Variants in PRR14L observed in about 807,000 individuals in gnomAD.
PRR14L encodes protein PRR14L.
PRR14L carries 80 observed loss-of-function variants against 155.0 expected under a neutral mutation model. The observed-to-expected ratio is 0.52, with a 90% CI of 0.43 to 0.62. PRR14L has a LOEUF of 0.62. Among genes scored for constraint, PRR14L ranks in the 20% least tolerant of loss-of-function variants. The pLI is 0.00. For missense variants in PRR14L, 2,469 were observed against 2,548.0 expected (o/e 0.97, Z 0.67); for synonymous variants, 883 against 916.0 (o/e 0.96, Z 0.65).
chr22:31,713,434 C>T lies in PRR14L; in HGVS notation c.4405G>A (p.Glu1469Lys), dbSNP rs866945278. The change falls in exon 4 of 9, where the codon GAG becomes AAG. Residue 1469 changes from glutamate to lysine, a missense_variant. This residue lies in a region of PRR14L where 2,363 missense variants were observed against 2,371.6 expected (regional missense o/e 1.00). Transcript: ENST00000327423. Reference protein sequence around the residue: ...AQTQKLEDQKEERLHHPLRKD... With the variant: ...AQTQKLEDQKKERLHHPLRKD... The stretch of plus-strand genomic sequence containing the variant: ...CTTAATGGATGATGTAACCTTTCCT[C>T]CTTCTGGTCTTCTAACTTCTGAGTC... The T allele has an allele frequency of 6.4e-7, 1 of 1,551,866 alleles. No homozygotes were observed. Among genetic ancestry groups the T allele is most frequent in the Non-Finnish European group, 8.7e-7 (1 of 1,147,062 alleles).
At chr22:31,694,782 AAAAG>A (rs1569497325) in intron 7 of PRR14L, among the ~76,000 whole-genome samples, 1 of 149,260 alleles carries the variant, frequency 6.7e-6, no homozygotes, top group East Asian at 2.0e-4. Flanking sequence ...CAGAAAAAAA[AAAAG>A]AAAAAGAATA....
In PRR14L at chr22:31,715,176, T is replaced by C; in HGVS notation, c.2663A>G (p.Lys888Arg). 1 of 1,552,078 alleles carries C rather than the reference T, an allele frequency of 6.4e-7. No homozygotes were observed. The highest frequency in any genetic ancestry group is 8.7e-7 in the Non-Finnish European group (1 of 1,147,036). ...GATGCTACTGGAGGTGTGAATGGTT[T>C]TGTTTGAAATTCCACTATTTAACAA... ...AGLLNSGISNKTIHTSSSIKL... is the reference protein window; with the variant it reads ...AGLLNSGISNRTIHTSSSIKL... Residue 888 changes from lysine to arginine, a missense_variant, in exon 4 of 9, where the codon AAA becomes AGA. Lys to Arg is a conservative substitution (Grantham distance 26). Around this residue, in one of 2 missense-constraint regions of PRR14L, gnomAD observed 2,363 missense variants for 2,371.6 expected, o/e 1.00. Coordinates refer to ENST00000327423, the MANE Select transcript of PRR14L (RefSeq NM_173566.3).
At position 31,707,248 on chromosome 22, in the gene PRR14L, A is replaced by C. The variant is rs2074596980; in HGVS notation, c.5757-2522T>G. ...GAAACAGAAAATTTTCAACACCAGG[A>C]AACAGAAACATGAGGTGGGAAAGAA... is the stretch of plus-strand genomic sequence containing the variant. On this transcript the variant is annotated intron_variant, in intron 4 of 8. Coordinates refer to ENST00000327423, the MANE Select transcript of PRR14L (RefSeq NM_173566.3). 5.3e-5 allele frequency among the ~76,000 whole-genome samples: 8 copies of C among 152,172 alleles called. No homozygotes were observed. The South Asian group carries it at 1.7e-3, about 31-fold the overall frequency.
Position 31,714,476 on chromosome 22 carries a change from AG to A in PRR14L, c.3362del (p.Ser1121LeufsTer8). On this transcript the variant is annotated frameshift_variant, in exon 4 of 9. Coordinates refer to ENST00000327423, the MANE Select transcript of PRR14L (RefSeq NM_173566.3). LOFTEE classifies it high-confidence loss of function. ...TTTTTATTTTGAGAAAGTCCACTGT[AG>A]AAGCAGCAGTAACTGGGAAATCTGA... ...QDSDFPVTAA[S>X]TVDFLKIKKS... 6.4e-7 allele frequency: 1 copy of A among 1,552,112 alleles called. No individual in the cohort carries two copies. The highest frequency in any genetic ancestry group is 8.7e-7 in the Non-Finnish European group (1 of 1,147,084).
chr22:31,695,717 G>T (rs1415575849), intron 7 of PRR14L, among the ~76,000 whole-genome samples: 1 of 152,014 alleles, frequency 6.6e-6, no homozygotes, highest in African/African-American at 2.4e-5. Context: ...TTTCCTGCTT[G>T]CCCAGCTCTG....
At chr22:31,730,458 AAAG>A (rs988516690) in intron 2 of PRR14L, among the ~76,000 whole-genome samples, 1 of 152,166 alleles carries the variant, frequency 6.6e-6, no homozygotes, top group African/African-American at 2.4e-5. Context: ...AAGAAAAAAA[AAAG>A]AATACCACAG....
At chr22:31,701,828 G>T in intron 6 of PRR14L, 66 bp from the exon 7 acceptor site, 1 of 1,308,572 alleles carries the variant, frequency 7.6e-7, no homozygotes, top group Non-Finnish European at 1.1e-6. Context: ...TATTTTTTGA[G>T]ACAAGGTCTC....
intron 2 of PRR14L, among the ~76,000 whole-genome samples, 164 bp from the exon 3 acceptor site, chr22:31,725,774 T>C (rs549021839): frequency 6.6e-6 from 1 of 152,272 alleles, no homozygotes; most frequent in Admixed American, 6.5e-5. Context: ...GTTCAAGGTA[T>C]TCTCCTGTCT....
At chr22:31,739,938 T>G (rs528020669) in intron 1 of PRR14L, among the ~76,000 whole-genome samples, 12 of 152,172 alleles carry the variant, frequency 7.9e-5, no homozygotes, top group Admixed American at 5.9e-4. Flanking sequence ...AAAATCCACT[T>G]TGACCATTCT....
At chr22:31,741,949 C>T (rs570836011) in intron 1 of PRR14L, among the ~76,000 whole-genome samples, 2 of 152,162 alleles carry the variant, frequency 1.3e-5, no homozygotes, top group South Asian at 4.1e-4. Flanking sequence ...GATACAGAAA[C>T]ATCTTTCTAG....
chr22:31,748,316 T>C (rs2074851579), intron 1 of PRR14L, among the ~76,000 whole-genome samples: 1 of 152,092 alleles, frequency 6.6e-6, no homozygotes, highest in Admixed American at 6.6e-5. Context: ...GGCAGGGAAG[T>C]TCATACACTA....
At chr22:31,726,426 C>T (rs1420832763) in intron 2 of PRR14L, among the ~76,000 whole-genome samples, 5 of 152,032 alleles carry the variant, frequency 3.3e-5, no homozygotes, top group East Asian at 2.0e-4. Flanking sequence ...CCACTGTGCC[C>T]GGCCTAATTT....
intron 2 of PRR14L, among the ~76,000 whole-genome samples, chr22:31,726,332 T>G (rs1416457982): frequency 6.6e-6 from 1 of 152,026 alleles, no homozygotes; most frequent in Non-Finnish European, 1.5e-5. Context: ...TGTTTCCCCA[T>G]GTTGGCCAGG....
chr22:31,716,742 C>T lies in PRR14L; in HGVS notation c.1097G>A (p.Gly366Asp), dbSNP rs2074662596. The change falls in exon 4 of 9, where the codon GGT becomes GAT. Residue 366 changes from glycine to aspartate, a missense_variant. By Grantham distance (94) the Gly-to-Asp change is moderately conservative. Transcript: ENST00000327423. ...AGCAGATCTCTTTAGCAAACCACCA[C>T]CTTCAAAACCACAGTTTTCTAAGGA... ...TISLENCGFE[G>D]GGLLKRSAEK... 1 of 1,551,852 alleles carries T rather than the reference C, an allele frequency of 6.4e-7. No individual in the cohort carries two copies. Among genetic ancestry groups the T allele is most frequent in the Non-Finnish European group, 8.7e-7 (1 of 1,147,022 alleles).
chr22:31,701,651 C>A lies in PRR14L; in HGVS notation c.6107+5G>T. 6.3e-7 allele frequency: 1 copy of A among 1,586,550 alleles called. No homozygotes were observed. Among genetic ancestry groups the A allele is most frequent in the Non-Finnish European group, 8.6e-7 (1 of 1,164,826 alleles). ...AACCTAGCTTGTAACAGAGAAGGAG[C>A]TCACCTTTTGGGTCGAGGAAGGCCC... On this transcript the variant is annotated splice_donor_5th_base_variant and intron_variant, in intron 7 of 8. Coordinates refer to ENST00000327423, the MANE Select transcript of PRR14L (RefSeq NM_173566.3).
chr22:31,744,677 A>T (rs961123026), intron 1 of PRR14L, among the ~76,000 whole-genome samples: 6 of 152,118 alleles, frequency 3.9e-5, no homozygotes, highest in Non-Finnish European at 7.4e-5. Context: ...TCCCCTCACC[A>T]TTCAATCAGC....
chr22:31,725,704 C>T, intron 2 of PRR14L, 94 bp from the exon 3 acceptor site: 2 of 807,270 alleles, frequency 2.5e-6, no homozygotes, highest in Non-Finnish European at 3.9e-6. Context: ...CAGAGTCTTG[C>T]TGTTCCCAGA....
chr22:31,738,944 A>T, intron 1 of PRR14L, 33 bp from the exon 2 acceptor site: 1 of 983,102 alleles, frequency 1.0e-6, no homozygotes. Flanking sequence ...ATAAAAGTTT[A>T]AAACCTTGAT....
chr22:31,706,233 A>G (rs1485452728), intron 4 of PRR14L, among the ~76,000 whole-genome samples: 1 of 150,840 alleles, frequency 6.6e-6, no homozygotes, highest in Non-Finnish European at 1.5e-5. Flanking sequence ...TGGGAGGGTG[A>G]GGCAGGAGAA....
Sources: allele counts gnomAD v4.1 joint callset (sites outside exome capture counted in the v4.1 genomes callset), GRCh38; gene constraint gnomAD v4.1.1; regional missense constraint gnomAD v4.1.1; transcripts MANE v1.5; gene names NCBI Gene and HGNC (gene_info 2026-07-23, HGNC 2026-07-21).